The following POU2F1 variants were observed in gnomAD, a reference collection of about 807,000 sequenced individuals.
The protein encoded by POU2F1 is POU domain, class 2, transcription factor 1.
In POU2F1, 16 loss-of-function variants were observed where a neutral mutation model predicts 84.9. That is an observed-to-expected ratio of 0.19 (90% CI 0.13 to 0.29). POU2F1 has a LOEUF of 0.29. POU2F1 is among the 10% of genes least tolerant of loss of function. The pLI is 1.00. For missense variants in POU2F1, 738 were observed against 942.6 expected, an observed-to-expected ratio of 0.78 and a Z score of 2.84; for synonymous variants, 368 against 368.3, an observed-to-expected ratio of 1.00 and a Z score of 0.01.
At chr1:167,407,038 TTTATTA>T (rs148406080) in intron 13 of POU2F1, among the ~76,000 whole-genome samples, 84,439 of 149,326 alleles carry the variant, frequency 0.57, 26,929 homozygotes, top group East Asian at 0.84. Flanking sequence ...TTTTATATAT[TTTATTA>T]TTATTATTAT....
At chr1:167,382,109 A>C (rs1004501554) in intron 7 of POU2F1, among the ~76,000 whole-genome samples, 1 of 152,198 alleles carries the variant, frequency 6.6e-6, no homozygotes, top group African/African-American at 2.4e-5. Flanking sequence ...TCTGATAGTT[A>C]GGGATGTATT....
intron 9 of POU2F1, among the ~76,000 whole-genome samples, chr1:167,393,820 A>G (rs912834882): frequency 3.9e-5 from 6 of 152,194 alleles, no homozygotes; most frequent in Admixed American, 1.3e-4. Flanking sequence ...ATTGCCATCT[A>G]ACTGCTACAT....
chr1:167,263,692 C>A (rs1651741772), intron 1 of POU2F1, among the ~76,000 whole-genome samples: 1 of 152,174 alleles, frequency 6.6e-6, no homozygotes, highest in East Asian at 1.9e-4. Flanking sequence ...TGAATAAAGT[C>A]CAGATTTCAT....
intron 1 of POU2F1, among the ~76,000 whole-genome samples, chr1:167,300,019 A>T (rs532555527): frequency 1.3e-5 from 2 of 152,226 alleles, no homozygotes; most frequent in Non-Finnish European, 2.9e-5. Flanking sequence ...GTATTAACCA[A>T]GGTGCCCATT....
intron 2 of POU2F1, among the ~76,000 whole-genome samples, chr1:167,349,608 A>G (rs998122829): frequency 1.3e-5 from 2 of 152,210 alleles, no homozygotes; most frequent in Non-Finnish European, 2.9e-5. Context: ...CAGTTAATGA[A>G]TAGGCCTGAG....
intron 15 of POU2F1, chr1:167,414,615 T>TGATG (rs1290917461): frequency 1.0e-6 from 1 of 985,198 alleles, no homozygotes; most frequent in Non-Finnish European, 1.2e-6. Flanking sequence ...AAAATGTTGA[T>TGATG]GATGCCTTCT....
At chr1:167,351,755 A>G (rs1336495993) in intron 2 of POU2F1, among the ~76,000 whole-genome samples, 1 of 151,904 alleles carries the variant, frequency 6.6e-6, no homozygotes, top group African/African-American at 2.4e-5. Flanking sequence ...AGGGTGAAGG[A>G]TATCTGCATT....
chr1:167,285,245 A>T (rs1447153208), intron 1 of POU2F1, among the ~76,000 whole-genome samples: 1 of 152,240 alleles, frequency 6.6e-6, no homozygotes, highest in Non-Finnish European at 1.5e-5. Context: ...GGTATCTGGT[A>T]CATGGAGGGT....
intron 1 of POU2F1, among the ~76,000 whole-genome samples, chr1:167,311,227 CT>C (rs1260443023): frequency 6.6e-6 from 1 of 151,982 alleles, no homozygotes; most frequent in East Asian, 1.9e-4. Flanking sequence ...AAGGAAAAAT[CT>C]TGAAAACAGA....
intron 13 of POU2F1, among the ~76,000 whole-genome samples, chr1:167,406,081 A>G (rs1649556531): frequency 6.6e-6 from 1 of 152,192 alleles, no homozygotes; most frequent in African/African-American, 2.4e-5. Context: ...AAAATTACAA[A>G]CTCATATTCC....
At chr1:167,409,182 T>C (rs1219359301) in intron 13 of POU2F1, among the ~76,000 whole-genome samples, 1 of 152,232 alleles carries the variant, frequency 6.6e-6, no homozygotes, top group Non-Finnish European at 1.5e-5. Flanking sequence ...ATTTAGGCCT[T>C]TGATCTGTTT....
intron 9 of POU2F1, among the ~76,000 whole-genome samples, chr1:167,392,100 A>G (rs1382382582): frequency 6.6e-6 from 1 of 152,208 alleles, no homozygotes; most frequent in Non-Finnish European, 1.5e-5. Context: ...CTGTAATCCC[A>G]GCACTTTGGG....
Position 167,422,279 on chromosome 1 carries a change from T to C in POU2F1, c.*6469T>C, listed in dbSNP as rs1650697261. 6.6e-6 allele frequency: 1 copy of C among 152,130 alleles called. No individual in the cohort carries two copies. The highest frequency in any genetic ancestry group is 1.5e-5 in the Non-Finnish European group (1 of 68,048). 9.4% of individuals were successfully genotyped at this position (152,130 alleles called of 1,614,324 possible). A position where few individuals can be genotyped will look rare whatever the true frequency, so the allele number is the denominator to read the frequency against. ...AGAGGCAGACATAGACATGCACCAA[T>C]TAATTTGGAGCCAAGAGGTGAGTGA... On this transcript the variant is annotated 3_prime_UTR_variant, in exon 16 of 16. Coordinates refer to ENST00000367866, the MANE Select transcript of POU2F1 (RefSeq NM_002697.4).
chr1:167,255,236 G>A (rs891414399), intron 1 of POU2F1, among the ~76,000 whole-genome samples: 3 of 152,098 alleles, frequency 2.0e-5, no homozygotes, highest in African/African-American at 7.2e-5. Context: ...GTATAGTGTG[G>A]GCACAAAGCA....
At chr1:167,407,510 A>G (rs1289061753) in intron 13 of POU2F1, among the ~76,000 whole-genome samples, 3 of 152,356 alleles carry the variant, frequency 2.0e-5, no homozygotes, top group East Asian at 1.9e-4. Flanking sequence ...CTGTAAAGCA[A>G]CAATAATCAA....
chr1:167,357,063 C>A (rs1254898869), intron 2 of POU2F1, among the ~76,000 whole-genome samples: 1 of 152,112 alleles, frequency 6.6e-6, no homozygotes, highest in African/African-American at 2.4e-5. Flanking sequence ...CAGGTGTGGA[C>A]CATTAGGAAA....
intron 2 of POU2F1, among the ~76,000 whole-genome samples, chr1:167,351,349 C>G (rs1204052538): frequency 6.6e-6 from 1 of 151,736 alleles, no homozygotes; most frequent in Admixed American, 6.6e-5. Context: ...GAGCGAAACT[C>G]TGTCTCAAAA....
At chr1:167,284,663 A>T (rs1162374204) in intron 1 of POU2F1, among the ~76,000 whole-genome samples, 1 of 152,176 alleles carries the variant, frequency 6.6e-6, no homozygotes, top group South Asian at 2.1e-4. Flanking sequence ...ACATTTTGTG[A>T]ATTTTATGTC....
At chr1:167,374,643 G>A (rs1264431805) in intron 6 of POU2F1, among the ~76,000 whole-genome samples, 3 of 152,066 alleles carry the variant, frequency 2.0e-5, no homozygotes, top group Admixed American at 6.5e-5. Context: ...TGTGCTCTGC[G>A]GTGAATGTTG....
Sources: allele counts gnomAD v4.1 joint callset (sites outside exome capture counted in the v4.1 genomes callset), GRCh38; gene constraint gnomAD v4.1.1; transcripts MANE v1.5; gene names NCBI Gene and HGNC (gene_info 2026-07-23, HGNC 2026-07-21).